The following PARG variants were observed in gnomAD, a reference collection of about 807,000 sequenced individuals.
PARG encodes the protein mitochondrial poly(ADP-ribose) glycohydrolase.
Under a neutral mutation model 113.0 loss-of-function variants are expected in PARG, and 35 were observed. The ratio of observed to expected loss-of-function variants is 0.31; its 90% CI spans 0.24 to 0.41. The LOEUF is 0.41. PARG is among the 10% of genes least tolerant of loss of function. The probability of loss-of-function intolerance (pLI) is 1.00; values close to 1 mark genes in which losing one functional copy is unlikely to be tolerated. For synonymous variants in PARG, 330 were observed against 409.9 expected (o/e 0.81, Z 2.36); for missense variants, 797 against 1,169.4 (o/e 0.68, Z 4.64).
intron 7 of PARG, among the ~76,000 whole-genome samples, chr10:49,887,564 T>A (rs1446773212): frequency 1.3e-5 from 2 of 152,190 alleles, no homozygotes; most frequent in Non-Finnish European, 2.9e-5. Flanking sequence ...TGAAATTGAC[T>A]TTTTTTACAT....
intron 7 of PARG, among the ~76,000 whole-genome samples, chr10:49,915,549 G>A (rs1260846534): frequency 1.3e-5 from 2 of 151,970 alleles, no homozygotes; most frequent in Non-Finnish European, 2.9e-5. Flanking sequence ...TATCAAATAT[G>A]GGAAAATATA....
Position 49,879,824 on chromosome 10 carries a change from G to C in PARG, c.1837C>G (p.Pro613Ala), listed in dbSNP as rs1554839097. Residue 613 changes from proline (P) to alanine (A), a missense_variant, in exon 9 of 18, where the codon CCA (proline) becomes GCA (alanine). Physicochemically the swap from Pro to Ala is conservative, Grantham distance 27. Transcript: ENST00000616448. ...CLPNICTQPI[P>A]LLKQKMNHSI... ...TGATTCATCTTCTGTTTCAGGAGTG[G>C]TATTGGCTGATAAAAGAAACAAAAA... is the stretch of plus-strand genomic sequence containing the variant. The C allele has an allele frequency of 2.7e-6, 3 of 1,128,794 alleles. No individual in the cohort carries two copies. Among genetic ancestry groups the C allele is most frequent in the Non-Finnish European group, 3.9e-6 (3 of 759,936 alleles). 69.9% of individuals were successfully genotyped at this position (1,128,794 alleles called of 1,614,324 possible).
intron 16 of PARG, among the ~76,000 whole-genome samples, chr10:49,822,082 T>G (rs566561918): frequency 2.0e-5 from 3 of 152,162 alleles, no homozygotes; most frequent in Non-Finnish European, 4.4e-5. Context: ...AATAAATGTG[T>G]TGATGCTGCT....
At chr10:49,920,463 A>AAAAAAAAAT (rs1431747248) in intron 6 of PARG, among the ~76,000 whole-genome samples, 1 of 47,988 alleles carries the variant, frequency 2.1e-5, no homozygotes, top group African/African-American at 5.0e-5. Flanking sequence ...AAAAAAAAAA[A>AAAAAAAAAT]ATATATATAT....
At chr10:49,925,465 A>G (rs1838102563) in intron 4 of PARG, among the ~76,000 whole-genome samples, 1 of 152,166 alleles carries the variant, frequency 6.6e-6, no homozygotes, top group Non-Finnish European at 1.5e-5. Context: ...CCAAATCAAT[A>G]TGCATCTTAC....
At chr10:49,896,721 T>C (rs1269678240) in intron 7 of PARG, among the ~76,000 whole-genome samples, 1 of 152,218 alleles carries the variant, frequency 6.6e-6, no homozygotes, top group African/African-American at 2.4e-5. Context: ...AGTAATCATG[T>C]ATTATCCTTT....
intron 13 of PARG, among the ~76,000 whole-genome samples, chr10:49,852,113 A>G (rs1309577293): frequency 6.6e-6 from 1 of 152,264 alleles, no homozygotes; most frequent in Non-Finnish European, 1.5e-5. Context: ...GATCAGGCAG[A>G]TAGATTGTAG....
intron 7 of PARG, among the ~76,000 whole-genome samples, chr10:49,899,919 C>G (rs1202932318): frequency 1.3e-5 from 2 of 152,148 alleles, no homozygotes; most frequent in Non-Finnish European, 2.9e-5. Context: ...ATGATTTGCC[C>G]TAACGATAGA....
intron 1 of PARG, among the ~76,000 whole-genome samples, chr10:49,935,497 T>G (rs1838700476): frequency 1.3e-5 from 2 of 152,214 alleles, no homozygotes; most frequent in Admixed American, 1.3e-4. Context: ...AAAATAACTA[T>G]CTCATGAGAT....
chr10:49,830,325 C>A lies in PARG; in HGVS notation c.2647+2478G>T, dbSNP rs1588868925. Among the ~76,000 whole-genome samples the A allele has an allele frequency of 3.3e-5, 5 of 152,052 alleles. No homozygotes were observed. In the South Asian group the frequency reaches 1.0e-3, roughly 32 times the overall value. Reference sequence around the variant, plus strand: ...AAGTATCTGTCGTAAGATCAATAAGCCCAGAGTGAAAAATAGGTTTCCTCA... The same window carrying A: ...AAGTATCTGTCGTAAGATCAATAAGACCAGAGTGAAAAATAGGTTTCCTCA... On this transcript the variant is annotated intron_variant, in intron 16 of 17. Transcript: ENST00000616448.
chr10:49,929,575 C>A (rs1405568649), intron 4 of PARG, among the ~76,000 whole-genome samples: 1 of 152,222 alleles, frequency 6.6e-6, no homozygotes, highest in Admixed American at 6.5e-5. Context: ...CGCCTGTAAT[C>A]CCAGCACTTT....
intron 16 of PARG, among the ~76,000 whole-genome samples, chr10:49,821,677 G>C (rs1844090722): frequency 6.6e-6 from 1 of 152,164 alleles, no homozygotes; most frequent in Non-Finnish European, 1.5e-5. Context: ...AATGTGCCTG[G>C]CCAAAGAGGG....
intron 7 of PARG, among the ~76,000 whole-genome samples, chr10:49,893,298 T>C (rs534628504): frequency 4.2e-4 from 64 of 152,228 alleles, no homozygotes; most frequent in Non-Finnish European, 5.9e-4. Flanking sequence ...TAGTTATAAC[T>C]GGCATTTCTC....
chr10:49,842,028 G>C lies in PARG; in HGVS notation c.2463C>G (p.Ile821Met), dbSNP rs375437639. The C allele has an allele frequency of 1.3e-6, 2 of 1,550,296 alleles. No individual in the cohort carries two copies. Among genetic ancestry groups the C allele is most frequent in the Non-Finnish European group, 1.7e-6 (2 of 1,146,788 alleles). ...TGAAGTGAAGAGCATCGATGGCAACGATCTCAGTGCAGCGCCGCTGCCAGT... is the reference window on the plus strand; with the variant it reads ...TGAAGTGAAGAGCATCGATGGCAACCATCTCAGTGCAGCGCCGCTGCCAGT... The part of the protein sequence containing the change: ...RDDWQRRCTE[I>M]VAIDALHFRR... Residue 821 changes from isoleucine to methionine, a missense_variant, in exon 15 of 18, where the codon ATC (isoleucine) becomes ATG (methionine). Around this residue, in one of 5 missense-constraint regions of PARG, gnomAD observed 194 missense variants for 247.1 expected, o/e 0.79. Transcript: ENST00000616448.
At position 49,857,403 on chromosome 10, in the gene PARG, A is replaced by C; in HGVS notation, c.2256T>G (p.Leu752=). Residue 752 remains leucine (L), a synonymous_variant, in exon 13 of 18, where the codon CTT becomes CTG. Coordinates refer to ENST00000616448, the MANE Select transcript of PARG (RefSeq NM_003631.5). ...TTAAAAAGCGGATTTCTTCTTGCAC[A>C]AGTCCTGCACTGGTTACACCACCTC... is the stretch of plus-strand genomic sequence containing the variant. The part of the protein sequence containing the change: ...FVGGGVTSAG[L]VQEEIRFLIN... 1.9e-6 allele frequency: 3 copies of C among 1,607,424 alleles called. No individual in the cohort carries two copies. The South Asian group carries it at 3.3e-5, about 18-fold the overall frequency.
intron 7 of PARG, among the ~76,000 whole-genome samples, chr10:49,887,038 T>C (rs1280212421): frequency 6.6e-6 from 1 of 151,912 alleles, no homozygotes; most frequent in Non-Finnish European, 1.5e-5. Flanking sequence ...TCTTCCTGTT[T>C]ATAATTTATC....
At chr10:49,928,574 C>T (rs546315079) in intron 4 of PARG, among the ~76,000 whole-genome samples, 88 of 151,850 alleles carry the variant, frequency 5.8e-4, no homozygotes, top group African/African-American at 2.0e-3. Flanking sequence ...CAGGGTCTTA[C>T]TCTGTCATCC....
intron 7 of PARG, among the ~76,000 whole-genome samples, chr10:49,895,931 G>A (rs1848063745): frequency 1.3e-5 from 2 of 152,016 alleles, no homozygotes; most frequent in Admixed American, 1.3e-4. Flanking sequence ...AAAATATAAT[G>A]ATTTTTGTAT....
intron 15 of PARG, among the ~76,000 whole-genome samples, chr10:49,838,820 G>C (rs1554831644): frequency 6.6e-6 from 1 of 152,116 alleles, no homozygotes; most frequent in Non-Finnish European, 1.5e-5. Flanking sequence ...GGTTGAAAAT[G>C]AATGTAGAAC....
Sources: gnomAD v4.1 joint callset for allele counts (sites outside exome capture counted in the v4.1 genomes callset) on GRCh38, gnomAD v4.1.1 for gene constraint, gnomAD v4.1.1 regional missense constraint, MANE v1.5 for transcripts, NCBI Gene and HGNC (gene_info 2026-07-23, HGNC 2026-07-21) for gene names.